The following SOX5 variants were observed in gnomAD, a reference collection of about 807,000 sequenced individuals.
SOX5 encodes the protein SRY-box transcription factor 5, also known as transcription factor SOX-5.
Under a neutral mutation model 92.0 loss-of-function variants are expected in SOX5, and 9 were observed. The ratio of observed to expected loss-of-function variants is 0.10; its 90% CI spans 0.06 to 0.17. The LOEUF (loss-of-function observed/expected upper bound fraction) is 0.17. SOX5 is among the 10% of genes least tolerant of loss of function. The pLI, the probability that SOX5 is intolerant of heterozygous loss-of-function variation, is 1.00. For missense variants in SOX5, 642 were observed against 944.5 expected (o/e 0.68, Z 4.20); for synonymous variants, 344 against 336.3 (o/e 1.02, Z -0.25).
rs568585190 is a variant in SOX5, at chr12:24,094,338, C to A, written c.-2+119005G>T. Reference sequence around the variant, plus strand: ...TTATGTTTCATATTCCATAAAATGTCTGTTTATTACCTTTGTCTGTTTTGC... The same window carrying A: ...TTATGTTTCATATTCCATAAAATGTATGTTTATTACCTTTGTCTGTTTTGC... On this transcript the variant is annotated intron_variant, in intron 4 of 4. Transcript: ENST00000446891. Among the ~76,000 whole-genome samples the A allele has an allele frequency of 1.2e-4, 18 of 152,162 alleles. No homozygotes were observed. In the East Asian group the frequency reaches 1.7e-3, roughly 15 times the overall value.
intron 2 of SOX5, among the ~76,000 whole-genome samples, chr12:24,285,921 T>G (rs912553915): frequency 6.6e-5 from 10 of 152,186 alleles, no homozygotes; most frequent in African/African-American, 2.4e-4. Context: ...CCAAAACACT[T>G]GAATAATTAT....
At chr12:23,780,815 G>C (rs2095262472) in intron 3 of SOX5, among the ~76,000 whole-genome samples, 1 of 152,056 alleles carries the variant, frequency 6.6e-6, no homozygotes. Context: ...AAAATACTAA[G>C]AATGGTATTT....
chr12:23,563,041 C>A (rs1245974353), intron 11 of SOX5, among the ~76,000 whole-genome samples: 2 of 152,020 alleles, frequency 1.3e-5, no homozygotes, highest in Non-Finnish European at 2.9e-5. Context: ...TATTCATTGT[C>A]AATAAGGTTT....
chr12:24,201,895 C>T (rs1796682678), intron 4 of SOX5, among the ~76,000 whole-genome samples: 4 of 152,166 alleles, frequency 2.6e-5, no homozygotes, highest in Admixed American at 6.5e-5. Context: ...ACTAGCTCTG[C>T]TTTCCCTCTA....
Position 24,263,260 on chromosome 12 carries a change from G to A in SOX5, c.-77+13956C>T, listed in dbSNP as rs146389412. ...AGAAATTACTAGGCCGGGTGTGGTG[G>A]CTCACACCTGTAATCCCAGCACTTT... is the stretch of plus-strand genomic sequence containing the variant. On this transcript the variant is annotated intron_variant, in intron 3 of 4. Coordinates refer to the SOX5 transcript ENST00000446891. 6.2e-3 allele frequency among the ~76,000 whole-genome samples: 936 copies of A among 151,938 alleles called. 10 individuals are homozygous for A. Among genetic ancestry groups the A allele is most frequent in the African/African-American group, 0.022 (896 of 41,432 alleles).
intron 4 of SOX5, among the ~76,000 whole-genome samples, chr12:24,010,340 A>ATG (rs1302495205): frequency 6.6e-6 from 1 of 152,198 alleles, no homozygotes; most frequent in Non-Finnish European, 1.5e-5. Flanking sequence ...GATAATAAAT[A>ATG]TGTGTAAGAT....
intron 4 of SOX5, among the ~76,000 whole-genome samples, chr12:24,110,961 C>T (rs1196639802): frequency 2.8e-5 from 4 of 145,090 alleles, no homozygotes; most frequent in Admixed American, 6.9e-5. Flanking sequence ...CTGATGACTT[C>T]GTTCTCAAAT....
intron 2 of SOX5, among the ~76,000 whole-genome samples, chr12:24,281,836 A>G (rs1945241702): frequency 6.6e-6 from 1 of 152,204 alleles, no homozygotes; most frequent in Non-Finnish European, 1.5e-5. Context: ...TACTCTTGAC[A>G]CAGAACAGCT....
chr12:23,571,360 C>T (rs573001193), intron 10 of SOX5, among the ~76,000 whole-genome samples: 13 of 152,084 alleles, frequency 8.5e-5, no homozygotes, highest in African/African-American at 2.2e-4. Context: ...AGTTTTCATG[C>T]GTTAATGCCT....
chr12:23,552,632 T>C (rs920325607), intron 11 of SOX5, among the ~76,000 whole-genome samples: 6 of 151,914 alleles, frequency 3.9e-5, no homozygotes, highest in African/African-American at 1.2e-4. Flanking sequence ...AGTCAGGAGA[T>C]AGAACACTGA....
At chr12:24,073,606 TTTCAATAA>T (rs1569533818) in intron 4 of SOX5, among the ~76,000 whole-genome samples, 1 of 152,184 alleles carries the variant, frequency 6.6e-6, no homozygotes, top group African/African-American at 2.4e-5. Context: ...TTACAGCCAT[TTTCAATAA>T]AACTGCCAAC....
chr12:24,024,245 C>A (rs1431017284), intron 4 of SOX5, among the ~76,000 whole-genome samples: 1 of 151,914 alleles, frequency 6.6e-6, no homozygotes, highest in Non-Finnish European at 1.5e-5. Context: ...CCAGGACAAA[C>A]TTCTATTTTA....
intron 4 of SOX5, among the ~76,000 whole-genome samples, chr12:24,047,938 GT>G (rs1957211022): frequency 6.6e-6 from 1 of 152,168 alleles, no homozygotes; most frequent in African/African-American, 2.4e-5. Flanking sequence ...AAGAGTAAAC[GT>G]TAACAAGTGA....
At chr12:24,408,156 G>A (rs1029309360) in intron 1 of SOX5, among the ~76,000 whole-genome samples, 2 of 152,228 alleles carry the variant, frequency 1.3e-5, no homozygotes, top group African/African-American at 2.4e-5. Context: ...AAGGCTCTGC[G>A]ACTGCCATAT....
chr12:23,907,073 G>A (rs1448239969), intron 1 of SOX5, among the ~76,000 whole-genome samples: 1 of 152,142 alleles, frequency 6.6e-6, no homozygotes, highest in Non-Finnish European at 1.5e-5. Flanking sequence ...AATTGGTAGT[G>A]AAAAAGGAAT....
chr12:24,337,455 C>T (rs1952041237), intron 2 of SOX5, among the ~76,000 whole-genome samples: 3 of 151,960 alleles, frequency 2.0e-5, no homozygotes, highest in Admixed American at 1.3e-4. Flanking sequence ...ATCCTCCCAC[C>T]TCAGCTTCCC....
At chr12:24,318,935 C>A (rs1339321232) in intron 2 of SOX5, among the ~76,000 whole-genome samples, 1 of 152,148 alleles carries the variant, frequency 6.6e-6, no homozygotes, top group Admixed American at 6.5e-5. Flanking sequence ...TTTACTCATC[C>A]CCCAATTCCA....
chr12:24,266,085 T>TGTGTGTGTGTGTG (rs1942980873), intron 3 of SOX5, among the ~76,000 whole-genome samples: 1 of 132,480 alleles, frequency 7.5e-6, no homozygotes, highest in African/African-American at 2.8e-5. Flanking sequence ...TGTGTGTGTG[T>TGTGTGTGTGTGTG]TTTATTTTGG....
intron 6 of SOX5, among the ~76,000 whole-genome samples, chr12:23,695,834 G>A (rs1306671693): frequency 2.0e-5 from 3 of 150,248 alleles, no homozygotes; most frequent in Admixed American, 6.6e-5. Context: ...CCAGCTACTC[G>A]AGAGGCTGAG....
Sources: allele counts gnomAD v4.1 joint callset (sites outside exome capture counted in the v4.1 genomes callset), GRCh38; gene constraint gnomAD v4.1.1; transcripts MANE v1.5; gene names NCBI Gene and HGNC (gene_info 2026-07-23, HGNC 2026-07-21).